The following ATPAF1 variants were observed in gnomAD, a reference collection of about 807,000 sequenced individuals.
ATPAF1 encodes the protein ATP synthase mitochondrial F1 complex assembly factor 1.
Under a neutral mutation model 43.9 loss-of-function variants are expected in ATPAF1, and 26 were observed. The observed-to-expected ratio is 0.59, with a 90% confidence interval of 0.43 to 0.82. The LOEUF (loss-of-function observed/expected upper bound fraction) is 0.82, where lower values mean the gene tolerates loss of function less well. ATPAF1 is among the 40% of genes least tolerant of loss of function. ATPAF1 has a pLI of 0.00. For synonymous variants in ATPAF1, 157 were observed against 168.0 expected (o/e 0.93, Z 0.50); for missense variants, 366 against 435.0 (o/e 0.84, Z 1.41).
At chr1:46,639,832 T>A (rs2148814774) in intron 8 of ATPAF1, among the ~76,000 whole-genome samples, 1 of 152,368 alleles carries the variant, frequency 6.6e-6, no homozygotes, top group Non-Finnish European at 1.5e-5. Flanking sequence ...TGCTGTCAAA[T>A]GTTAAAAGGC....
At chr1:46,665,774 A>T in intron 1 of ATPAF1, 100 of 1,499,534 alleles carry the variant, frequency 6.7e-5, no homozygotes, top group Non-Finnish European at 8.7e-5. Flanking sequence ...ATGTCCCCCC[A>T]ACCAGGTTAA....
At chr1:46,659,979 CT>C (rs202122351) in intron 2 of ATPAF1, among the ~76,000 whole-genome samples, 30,830 of 141,176 alleles carry the variant, frequency 0.22, 3,289 homozygotes, top group Admixed American at 0.3. Context: ...TTCTTTCTTT[CT>C]TTTTTTTTTT....
intron 8 of ATPAF1, among the ~76,000 whole-genome samples, chr1:46,637,341 G>C (rs1675861423): frequency 6.6e-6 from 1 of 152,120 alleles, no homozygotes; most frequent in Non-Finnish European, 1.5e-5. Flanking sequence ...GGTCATGCCA[G>C]CACACTCCAG....
intron 4 of ATPAF1, among the ~76,000 whole-genome samples, chr1:46,655,693 G>C (rs143668733): frequency 2.0e-5 from 3 of 151,774 alleles, no homozygotes; most frequent in African/African-American, 4.8e-5. Flanking sequence ...CTTTTTACAT[G>C]TTATTGGCTC....
At chr1:46,642,349 TA>T (rs1370312142) in intron 8 of ATPAF1, among the ~76,000 whole-genome samples, 2 of 152,178 alleles carry the variant, frequency 1.3e-5, no homozygotes, top group African/African-American at 2.4e-5. Flanking sequence ...TGAAGACTGT[TA>T]GGGGGAAGTG....
chr1:46,634,901 A>G (rs1367483504), downstream of ATPAF1: 1 of 152,636 alleles, frequency 6.6e-6, no homozygotes, highest in African/African-American at 2.4e-5. Flanking sequence ...ATTATTTTGT[A>G]TAACAAACAT....
Position 46,643,179 on chromosome 1 carries a change from C to A in ATPAF1, c.792+15G>T. On this transcript the variant is annotated intron_variant, in intron 8 of 8. Transcript: ENST00000574428. ...CATGAGGTAAATCCAAAGAGTTTTG[C>A]AAGTTAATTCTTACCAGAAATGTGG... 2.5e-6 allele frequency: 4 copies of A among 1,597,888 alleles called. No homozygotes were observed. The highest frequency in any genetic ancestry group is 3.4e-6 in the Non-Finnish European group (4 of 1,166,190).
intron 6 of ATPAF1, among the ~76,000 whole-genome samples, chr1:46,647,097 T>A (rs1257650954): frequency 6.6e-6 from 1 of 152,240 alleles, no homozygotes; most frequent in Non-Finnish European, 1.5e-5. Flanking sequence ...AAATGTCTAG[T>A]TGATGTATTA....
At chr1:46,643,990 G>A (rs901912442) in intron 7 of ATPAF1, among the ~76,000 whole-genome samples, 1 of 152,132 alleles carries the variant, frequency 6.6e-6, no homozygotes, top group Non-Finnish European at 1.5e-5. Flanking sequence ...AAATTTCAGC[G>A]AGTCTTTTTA....
Position 46,661,893 on chromosome 1 carries a change from C to CTTT in ATPAF1, c.376-3159_376-3157dup, listed in dbSNP as rs1360105864. 3.6e-5 allele frequency among the ~76,000 whole-genome samples: 5 copies of CTTT among 140,438 alleles called. 1 individual carries two copies. Among genetic ancestry groups the CTTT allele is most frequent in the African/African-American group, 1.0e-4 (4 of 38,328 alleles). The allele number at this position is 140,438 out of a possible 152,430, so 92.1% of individuals were successfully genotyped here. A position where few individuals can be genotyped will look rare whatever the true frequency, so the allele number is the denominator to read the frequency against. ...TACATTTTATCATAAAGCTAAATTT[C>CTTT]TTTCTTTTTTTTTTTTTTTAAGATG... On this transcript the variant is annotated intron_variant, in intron 2 of 8. Coordinates refer to ENST00000574428, the Ensembl canonical transcript of ATPAF1.
chr1:46,645,027 G>T, intron 7 of ATPAF1, 134 bp downstream of exon 7: 1 of 735,280 alleles, frequency 1.4e-6, no homozygotes, highest in Non-Finnish European at 2.2e-6. Flanking sequence ...CAAAAAGTAT[G>T]ACAATTCATC....
chr1:46,665,323 C>T (rs1433832311), exon 2 of ATPAF1: 2 of 1,614,280 alleles, frequency 1.2e-6, no homozygotes, highest in Non-Finnish European at 8.5e-7. Context: ...CCGAAATTCA[C>T]TGCGTTTCTC....
At chr1:46,645,952 A>T (rs913154954) in intron 6 of ATPAF1, among the ~76,000 whole-genome samples, 4 of 152,182 alleles carry the variant, frequency 2.6e-5, no homozygotes, top group African/African-American at 7.2e-5. Flanking sequence ...AGGTCGGAGG[A>T]TCACTTGAGC....
At chr1:46,647,167 T>C (rs1676058719) in intron 6 of ATPAF1, among the ~76,000 whole-genome samples, 1 of 152,216 alleles carries the variant, frequency 6.6e-6, no homozygotes. Flanking sequence ...GCAGAAATCA[T>C]AGGCAGTGAT....
At chr1:46,651,067 T>C (rs900802438) in intron 6 of ATPAF1, among the ~76,000 whole-genome samples, 1 of 152,164 alleles carries the variant, frequency 6.6e-6, no homozygotes, top group African/African-American at 2.4e-5. Context: ...GTTACATATG[T>C]ATACATGTGC....
At chr1:46,637,626 A>G (rs1675867485) in intron 8 of ATPAF1, among the ~76,000 whole-genome samples, 1 of 152,196 alleles carries the variant, frequency 6.6e-6, no homozygotes, top group Non-Finnish European at 1.5e-5. Context: ...AGAATGATGA[A>G]GACGGGTTTA....
At chr1:46,635,061 A>G (rs898316111) in exon 9 of ATPAF1, 5 of 152,650 alleles carry the variant, frequency 3.3e-5, no homozygotes, top group Non-Finnish European at 7.3e-5. Flanking sequence ...TTACAAAAGA[A>G]TTTTATTTAT....
At chr1:46,644,525 ATT>A (rs1199841378) in intron 7 of ATPAF1, among the ~76,000 whole-genome samples, 1 of 151,938 alleles carries the variant, frequency 6.6e-6, no homozygotes, top group East Asian at 1.9e-4. Flanking sequence ...TCTATTTTGC[ATT>A]CTTTACCCCA....
downstream of ATPAF1, chr1:46,633,502 A>T: frequency 3.0e-6 from 1 of 336,248 alleles, no homozygotes; most frequent in Non-Finnish European, 5.7e-6. Context: ...ATATGAACCC[A>T]GATTCACTTA....
Sources: gnomAD v4.1 joint callset for allele counts (sites outside exome capture counted in the v4.1 genomes callset) on GRCh38, gnomAD v4.1.1 for gene constraint, MANE v1.5 for transcripts, NCBI Gene and HGNC (gene_info 2026-07-23, HGNC 2026-07-21) for gene names.